Variants in PPAT observed in about 807,000 individuals in gnomAD.
The protein encoded by PPAT is amidophosphoribosyltransferase.
In PPAT, 20 loss-of-function variants were observed where a neutral mutation model predicts 60.2. The observed-to-expected ratio is 0.33, with a 90% CI of 0.23 to 0.48. The LOEUF (loss-of-function observed/expected upper bound fraction) is 0.48. Among genes scored for constraint, PPAT ranks in the 20% least tolerant of loss-of-function variants. The pLI is 0.99. For missense variants in PPAT, 349 were observed against 629.6 expected (o/e 0.55, Z 4.77); for synonymous variants, 194 against 215.1 (o/e 0.90, Z 0.86).
intron 1 of PPAT, among the ~76,000 whole-genome samples, chr4:56,412,183 C>T (rs933598794): frequency 6.6e-6 from 1 of 152,164 alleles, no homozygotes; most frequent in Non-Finnish European, 1.5e-5. Flanking sequence ...CTTTCAGGTA[C>T]TCCCTTGGCT....
chr4:56,424,375 C>A (rs1422253820), intron 1 of PPAT, among the ~76,000 whole-genome samples: 3 of 152,172 alleles, frequency 2.0e-5, no homozygotes, highest in African/African-American at 7.2e-5. Flanking sequence ...ATAGCCAGCA[C>A]TGGAAACCGT....
chr4:56,409,208 A>G (rs1275802049), intron 1 of PPAT, among the ~76,000 whole-genome samples: 1 of 152,226 alleles, frequency 6.6e-6, no homozygotes, highest in East Asian at 1.9e-4. Flanking sequence ...AAAGCAATAG[A>G]AAGGAAGTTA....
At position 56,400,907 on chromosome 4, in the gene PPAT, T is replaced by C. The variant is rs1385318846; in HGVS notation, c.891A>G (p.Gln297=). The C allele has an allele frequency of 1.9e-6, 3 of 1,611,200 alleles. No individual in the cohort carries two copies. Among genetic ancestry groups the C allele is most frequent in the South Asian group, 1.1e-5 (1 of 90,908 alleles). The part of the protein sequence containing the change: ...FARPDSMFED[Q]MVYTVRYRCG... Reference sequence around the variant, plus strand: ...AACGGTATCTTACTGTATAAACCATTTGGTCTGGTGTGTTTGGAAAAGGAG... The same window carrying C: ...AACGGTATCTTACTGTATAAACCATCTGGTCTGGTGTGTTTGGAAAAGGAG... The change falls in exon 8 of 11, where the codon CAA becomes CAG. Residue 297 remains glutamine (Q), a synonymous_variant. Coordinates refer to ENST00000264220, the MANE Select transcript of PPAT (RefSeq NM_002703.5).
intron 5 of PPAT, among the ~76,000 whole-genome samples, chr4:56,402,530 C>T (rs1716138413): frequency 6.6e-6 from 1 of 152,018 alleles, no homozygotes; most frequent in South Asian, 2.1e-4. Context: ...AAAAGGGATT[C>T]ATCCAGCCAG....
At chr4:56,397,238 A>T (rs1291341404) in intron 9 of PPAT, among the ~76,000 whole-genome samples, 1 of 152,106 alleles carries the variant, frequency 6.6e-6, no homozygotes, top group Non-Finnish European at 1.5e-5. Flanking sequence ...ATTTCATCAC[A>T]CTGATATATC....
At chr4:56,401,630 G>GGTAT (rs1716114592) in intron 6 of PPAT, 149 bp from the exon 7 acceptor site, 1 of 704,554 alleles carries the variant, frequency 1.4e-6, no homozygotes, top group Admixed American at 3.4e-5. Context: ...TTTTTAAAGT[G>GGTAT]GTATGTCTCC....
At chr4:56,406,923 C>T (rs2110040953) in intron 2 of PPAT, among the ~76,000 whole-genome samples, 1 of 152,228 alleles carries the variant, frequency 6.6e-6, no homozygotes, top group Admixed American at 6.5e-5. Context: ...AAGTCACATA[C>T]CATAAAATTA....
rs1459849937 is a variant in PPAT at position 56,435,485 on chromosome 4, C to A, written c.-8G>T. ...CAACTCCTCCAGCTCCATGTCGCCG[C>A]CGAAAGCACGTGGAAGGACCTGCCG... On this transcript the variant is annotated 5_prime_UTR_variant, in exon 1 of 11. Transcript: ENST00000264220. 6.2e-7 allele frequency: 1 copy of A among 1,613,302 alleles called. No individual in the cohort carries two copies.
At chr4:56,416,386 T>C (rs2110051820) in intron 1 of PPAT, 1 of 907,968 alleles carries the variant, frequency 1.1e-6, no homozygotes, top group Non-Finnish European at 1.3e-6. Flanking sequence ...ATAAGGAAGA[T>C]GTCTCAGGAA....
At position 56,396,604 on chromosome 4, in the gene PPAT, A is replaced by C; in HGVS notation, c.1357+15T>G. 1 of 1,592,182 alleles carries C rather than the reference A, an allele frequency of 6.3e-7. No homozygotes were observed. Among genetic ancestry groups the C allele is most frequent in the East Asian group, 2.2e-5 (1 of 44,672 alleles). On this transcript the variant is annotated intron_variant, in intron 10 of 10. Transcript: ENST00000264220. This position sits in a 1 kb window ranked among gnomAD's most constrained non-coding sequence, Gnocchi z 4.6. ...TCTGTTAATAATCAAAGTTTATAGA[A>C]ATTTTAATACTTACCTAGATATTCT...
At chr4:56,417,847 T>TTG (rs893841923) in intron 1 of PPAT, among the ~76,000 whole-genome samples, 1 of 150,664 alleles carries the variant, frequency 6.6e-6, no homozygotes, top group Non-Finnish European at 1.5e-5. Context: ...TTTTTGTTTT[T>TTG]TTTTTTTTTT....
At chr4:56,424,986 G>A (rs887699472) in intron 1 of PPAT, among the ~76,000 whole-genome samples, 1 of 152,186 alleles carries the variant, frequency 6.6e-6, no homozygotes, top group African/African-American at 2.4e-5. Context: ...AGGTCACGCT[G>A]ATCTTCAGCC....
At chr4:56,419,346 G>T (rs1204272748) in intron 1 of PPAT, among the ~76,000 whole-genome samples, 1 of 151,820 alleles carries the variant, frequency 6.6e-6, no homozygotes, top group Non-Finnish European at 1.5e-5. Context: ...TAAAGGAGTG[G>T]TATGGAAGAG....
chr4:56,401,424 T>C lies in PPAT; in HGVS notation c.792A>G (p.Gln264=). The C allele has an allele frequency of 6.2e-7, 1 of 1,606,164 alleles. No homozygotes were observed. The highest frequency in any genetic ancestry group is 1.7e-5 in the Admixed American group (1 of 59,446). ...EIVEISRHNV[Q]TLDIISRSEG... is the part of the protein sequence containing the mutation. ...CAGACCTTGATATAATATCAAGAGT[T>C]TGGACATTGTGTCTGGATATTTCCA... The change falls in exon 7 of 11, where the codon CAA becomes CAG. Residue 264 remains glutamine, a synonymous_variant. Coordinates refer to ENST00000264220, the MANE Select transcript of PPAT (RefSeq NM_002703.5).
chr4:56,412,736 C>G (rs1300498525), intron 1 of PPAT, among the ~76,000 whole-genome samples: 1 of 152,164 alleles, frequency 6.6e-6, no homozygotes, highest in Non-Finnish European at 1.5e-5. Flanking sequence ...AAAATTTTCT[C>G]TCTGCTCTAT....
intron 1 of PPAT, among the ~76,000 whole-genome samples, chr4:56,412,284 A>G (rs886549225): frequency 5.3e-5 from 8 of 151,466 alleles, no homozygotes; most frequent in Non-Finnish European, 1.2e-4. Flanking sequence ...CAATTCCAAA[A>G]TCAAACTCTC....
In PPAT at chr4:56,424,663, CGA is replaced by C. The variant is rs1553939652; in HGVS notation, c.128+10685_128+10686del. ...TTTTCTCCCTGGTCTGAAGCATAAG[CGA>C]GAGAGGATAAAAGGAATCAAGAAGT... On this transcript the variant is annotated intron_variant, in intron 1 of 10. Transcript: ENST00000264220. 4.6e-5 allele frequency among the ~76,000 whole-genome samples: 7 copies of C among 152,166 alleles called. No homozygotes were observed. The South Asian group carries it at 1.0e-3, about 23-fold the overall frequency.
chr4:56,410,920 AAAAAAAAAG>A (rs1716429253), intron 1 of PPAT: 3 of 951,662 alleles, frequency 3.2e-6, no homozygotes, highest in African/African-American at 1.8e-5. Context: ...AAAAAAAAAA[AAAAAAAAAG>A]AAAAGTACTC....
chr4:56,406,112 T>A (rs1716234263), intron 3 of PPAT, among the ~76,000 whole-genome samples: 1 of 152,184 alleles, frequency 6.6e-6, no homozygotes, highest in Non-Finnish European at 1.5e-5. Flanking sequence ...GTGTGCTGAG[T>A]CTGAGAATAG....
Sources: allele counts gnomAD v4.1 joint callset (sites outside exome capture counted in the v4.1 genomes callset), GRCh38; gene constraint gnomAD v4.1.1; non-coding constraint Gnocchi (gnomAD v3.1); transcripts MANE v1.5; gene names NCBI Gene and HGNC (gene_info 2026-07-23, HGNC 2026-07-21).